GPHN: variants seen among roughly 807,000 people sequenced by gnomAD.
GPHN encodes the protein gephyrin.
A neutral mutation model predicts 95.5 loss-of-function variants in GPHN; 17 were observed. That is an observed-to-expected ratio of 0.18 (90% CI 0.12 to 0.27). GPHN has a LOEUF of 0.27. GPHN is among the 10% of genes least tolerant of loss of function. The probability of loss-of-function intolerance (pLI) is 1.00; values close to 1 mark genes in which losing one functional copy is unlikely to be tolerated. For missense variants in GPHN, 660 were observed against 978.1 expected, an observed-to-expected ratio of 0.67 and a Z score of 4.34; for synonymous variants, 320 against 322.5, an observed-to-expected ratio of 0.99 and a Z score of 0.08.
intron 4 of GPHN, among the ~76,000 whole-genome samples, chr14:66,834,013 A>G (rs575670784): frequency 6.6e-6 from 1 of 152,206 alleles, no homozygotes; most frequent in South Asian, 2.1e-4. Flanking sequence ...TTCAACCATC[A>G]CTTCTTCTAT....
At chr14:67,283,187 C>T in the GPHN span, among the ~76,000 whole-genome samples, 1 of 152,022 alleles carries the variant, frequency 6.6e-6, no homozygotes, top group Non-Finnish European at 1.5e-5. Context: ...GGGAAGAAAA[C>T]CGGGATGAAT....
chr14:66,511,756 AT>A (rs1174648105), intron 1 of GPHN, among the ~76,000 whole-genome samples: 1 of 151,970 alleles, frequency 6.6e-6, no homozygotes, highest in Non-Finnish European at 1.5e-5. Flanking sequence ...TAGCAGAAGC[AT>A]TTTTTTGCTT....
At chr14:67,478,358 A>G in the GPHN span, among the ~76,000 whole-genome samples, 6 of 152,092 alleles carry the variant, frequency 3.9e-5, no homozygotes, top group Non-Finnish European at 5.9e-5. Context: ...CACCTCTTAA[A>G]TATCTTTGGG....
At chr14:67,339,001 T>C in the GPHN span, among the ~76,000 whole-genome samples, 1 of 150,252 alleles carries the variant, frequency 6.7e-6, no homozygotes, top group East Asian at 1.9e-4. Flanking sequence ...CCTTTTTTTT[T>C]TTTTTTTTTT....
the GPHN span, among the ~76,000 whole-genome samples, chr14:67,306,634 C>T: frequency 1.3e-5 from 2 of 152,138 alleles, no homozygotes; most frequent in Non-Finnish European, 2.9e-5. Context: ...CTCCCAAGTG[C>T]TGGGATTACA....
chr14:67,459,549 C>T, the GPHN span, among the ~76,000 whole-genome samples: 2 of 152,196 alleles, frequency 1.3e-5, no homozygotes, highest in African/African-American at 4.8e-5. Flanking sequence ...GCAGGTCACA[C>T]CCTGATACCC....
the GPHN span, among the ~76,000 whole-genome samples, chr14:67,536,070 A>C: frequency 6.6e-6 from 1 of 152,206 alleles, no homozygotes; most frequent in South Asian, 2.1e-4. Context: ...TTAGGTACTA[A>C]GCTGTTTCTC....
chr14:67,581,969 T>C, the GPHN span: 1 of 1,159,218 alleles, frequency 8.6e-7, no homozygotes, highest in Non-Finnish European at 1.2e-6. Flanking sequence ...GGGAAAAGAG[T>C]ACTTTATCTT....
the GPHN span, chr14:67,589,568 A>G: frequency 1.0e-6 from 1 of 985,432 alleles, no homozygotes; most frequent in African/African-American, 1.7e-5. Flanking sequence ...GTTTATTAAC[A>G]GTAAATAAAT....
intron 20 of GPHN, 93 bp downstream of exon 20, chr14:67,165,319 A>C: frequency 1.3e-6 from 1 of 788,550 alleles, no homozygotes; most frequent in Non-Finnish European, 2.3e-6. Context: ...GAAATCTGAA[A>C]GACCTGGGCT....
chr14:66,579,883 G>T (rs906546751), intron 1 of GPHN, among the ~76,000 whole-genome samples: 1 of 151,844 alleles, frequency 6.6e-6, no homozygotes, highest in Admixed American at 6.6e-5. Flanking sequence ...CCTAACAAAC[G>T]TATATCAGAA....
intron 9 of GPHN, among the ~76,000 whole-genome samples, chr14:66,985,065 A>G (rs763215205): frequency 8.5e-5 from 13 of 152,224 alleles, no homozygotes; most frequent in Non-Finnish European, 1.5e-4. Context: ...ATTCAGCTAA[A>G]ATAACTGAAA....
At chr14:67,231,828 GC>G in the GPHN span, among the ~76,000 whole-genome samples, 1 of 151,950 alleles carries the variant, frequency 6.6e-6, no homozygotes, top group Non-Finnish European at 1.5e-5. Flanking sequence ...AATTAACTGG[GC>G]ATGGTGGTGG....
At chr14:67,516,679 A>G in the GPHN span, among the ~76,000 whole-genome samples, 1 of 152,208 alleles carries the variant, frequency 6.6e-6, no homozygotes, top group African/African-American at 2.4e-5. Flanking sequence ...GTCCCTGGCC[A>G]GAATATTCAA....
At chr14:67,585,749 C>A in the GPHN span, 1 of 1,055,544 alleles carries the variant, frequency 9.5e-7, no homozygotes, top group Non-Finnish European at 1.4e-6. Flanking sequence ...ACCAAGTGAC[C>A]ATGGCTGCCC....
chr14:67,445,577 CTTTTTTTTTTTT>C, the GPHN span, among the ~76,000 whole-genome samples: 4 of 59,926 alleles, frequency 6.7e-5, no homozygotes, highest in South Asian at 6.8e-4. Flanking sequence ...AGAGGCAATT[CTTTTTTTTTTTT>C]TTTTTTTTTT....
At chr14:66,900,001 A>C (rs1419032227) in intron 5 of GPHN, among the ~76,000 whole-genome samples, 1 of 151,830 alleles carries the variant, frequency 6.6e-6, no homozygotes, top group African/African-American at 2.4e-5. Context: ...ATGCTTTTTG[A>C]GAAATTTGTC....
chr14:67,536,045 C>A, the GPHN span, among the ~76,000 whole-genome samples: 21 of 152,198 alleles, frequency 1.4e-4, no homozygotes, highest in Admixed American at 1.2e-3. Flanking sequence ...CCTGTCAGTG[C>A]CAGAGCATGG....
the GPHN span, chr14:67,725,909 G>T: frequency 1.4e-6 from 1 of 729,864 alleles, no homozygotes; most frequent in Non-Finnish European, 2.5e-6. Flanking sequence ...AAAAGGAAGG[G>T]GCAGAGCAAG....
Sources: allele counts gnomAD v4.1 joint callset (sites outside exome capture counted in the v4.1 genomes callset), GRCh38; gene constraint gnomAD v4.1.1; transcripts MANE v1.5; gene names NCBI Gene and HGNC (gene_info 2026-07-23, HGNC 2026-07-21).